XKR6: variants seen among roughly 807,000 people sequenced by gnomAD.
XKR6 encodes XK related 6.
XKR6 carries 22 observed loss-of-function variants against 56.7 expected under a neutral mutation model. The ratio of observed to expected loss-of-function variants is 0.39; its 90% CI spans 0.28 to 0.55. The LOEUF (loss-of-function observed/expected upper bound fraction) is 0.55. XKR6 is among the 20% of genes least tolerant of loss of function. The pLI is 0.66. For synonymous variants in XKR6, 524 were observed against 387.8 expected, an observed-to-expected ratio of 1.35 and a Z score of -4.13; for missense variants, 852 against 889.0, an observed-to-expected ratio of 0.96 and a Z score of 0.53.
chr8:10,946,905 C>T (rs1430858495), intron 1 of XKR6, among the ~76,000 whole-genome samples: 1 of 152,094 alleles, frequency 6.6e-6, no homozygotes, highest in Non-Finnish European at 1.5e-5. Flanking sequence ...CACCAAGCAG[C>T]TAAGGGAAAG....
intron 1 of XKR6, among the ~76,000 whole-genome samples, chr8:11,131,571 T>A (rs376477569): frequency 2.0e-5 from 3 of 152,148 alleles, no homozygotes; most frequent in Non-Finnish European, 4.4e-5. Context: ...AATAAAAAGT[T>A]TTCCTTTCAT....
intron 1 of XKR6, chr8:11,136,856 G>C (rs550967355): frequency 1.1e-3 from 173 of 152,248 alleles, no homozygotes; most frequent in African/African-American, 4.1e-3. Flanking sequence ...CCCACACAGA[G>C]AACACCTACA....
intron 1 of XKR6, among the ~76,000 whole-genome samples, chr8:11,042,403 G>C (rs968329396): frequency 6.6e-6 from 1 of 152,062 alleles, no homozygotes; most frequent in Non-Finnish European, 1.5e-5. Flanking sequence ...GATTTTTCCC[G>C]TGCTATTCTC....
chr8:10,964,328 A>G (rs186810159), intron 1 of XKR6, among the ~76,000 whole-genome samples: 15 of 152,264 alleles, frequency 9.9e-5, no homozygotes, highest in South Asian at 6.2e-4. Flanking sequence ...GTTTTGCAAA[A>G]TGGAGCAGGT....
chr8:11,086,293 G>C (rs1249984473), intron 1 of XKR6, among the ~76,000 whole-genome samples: 1 of 152,100 alleles, frequency 6.6e-6, no homozygotes, highest in Non-Finnish European at 1.5e-5. Context: ...CATAGAGCTT[G>C]TACTTGGCCT....
chr8:11,108,163 T>A, intron 1 of XKR6: 1 of 390,630 alleles, frequency 2.6e-6, no homozygotes, highest in Non-Finnish European at 5.0e-6. Flanking sequence ...GATAATCGGG[T>A]GCATCTGTTC....
At chr8:11,090,145 G>A (rs930867576) in intron 1 of XKR6, among the ~76,000 whole-genome samples, 6 of 152,154 alleles carry the variant, frequency 3.9e-5, no homozygotes, top group African/African-American at 1.4e-4. Context: ...GTGCAGTGGT[G>A]CAAATTATAG....
At chr8:10,935,683 G>T (rs1328936921) in intron 1 of XKR6, among the ~76,000 whole-genome samples, 9 of 151,450 alleles carry the variant, frequency 5.9e-5, no homozygotes, top group South Asian at 2.1e-4. Context: ...GGAGCACGTT[G>T]TTCAGTTTCC....
chr8:11,134,741 GC>G lies in XKR6; in HGVS notation c.764+65834del, dbSNP rs375063123. 1.2e-3 allele frequency among the ~76,000 whole-genome samples: 180 copies of G among 152,056 alleles called. 1 individual carries two copies. Among genetic ancestry groups the G allele is most frequent in the African/African-American group, 3.9e-3 (162 of 41,412 alleles). On this transcript the variant is annotated intron_variant, in intron 1 of 2. Transcript: ENST00000416569. ...AGCCCCAAAAGAAATTAACCTACCA[GC>G]GAAATAATCATGGACAATACTATAT... is the stretch of plus-strand genomic sequence containing the variant.
intron 1 of XKR6, among the ~76,000 whole-genome samples, chr8:11,141,884 A>AG (rs1475275887): frequency 2.0e-5 from 3 of 152,058 alleles, no homozygotes; most frequent in Non-Finnish European, 1.5e-5. Context: ...GTGACTGGGG[A>AG]GGGGTCTAGG....
At chr8:11,030,732 C>T (rs1798974281) in intron 1 of XKR6, among the ~76,000 whole-genome samples, 1 of 152,100 alleles carries the variant, frequency 6.6e-6, no homozygotes, top group Non-Finnish European at 1.5e-5. Context: ...TAGTTCCTCA[C>T]CTCTGCCAGC....
intron 1 of XKR6, among the ~76,000 whole-genome samples, chr8:10,984,432 G>A (rs889497274): frequency 6.6e-6 from 1 of 152,088 alleles, no homozygotes; most frequent in Non-Finnish European, 1.5e-5. Context: ...TGGCCTGAGG[G>A]CACTATTCAA....
intron 1 of XKR6, among the ~76,000 whole-genome samples, chr8:11,081,110 C>T (rs760278338): frequency 2.3e-4 from 35 of 152,140 alleles, no homozygotes; most frequent in Non-Finnish European, 4.0e-4. Context: ...TGCAAGAAGC[C>T]GTCTACCTCA....
At chr8:11,065,962 G>C (rs1214930500) in intron 1 of XKR6, among the ~76,000 whole-genome samples, 1 of 152,234 alleles carries the variant, frequency 6.6e-6, no homozygotes, top group Non-Finnish European at 1.5e-5. Context: ...TCAAGCTTCA[G>C]TTTAGCCAGC....
chr8:11,020,095 G>T (rs1478530680), intron 1 of XKR6, among the ~76,000 whole-genome samples: 1 of 148,858 alleles, frequency 6.7e-6, no homozygotes, highest in Non-Finnish European at 1.5e-5. Context: ...CCAAGGCCCA[G>T]TCCCCTTTCC....
At chr8:10,997,440 G>A (rs1175942934) in intron 1 of XKR6, among the ~76,000 whole-genome samples, 1 of 152,196 alleles carries the variant, frequency 6.6e-6, no homozygotes, top group Non-Finnish European at 1.5e-5. Flanking sequence ...CCAGAGAGCA[G>A]GGGTGGCGGT....
intron 1 of XKR6, among the ~76,000 whole-genome samples, chr8:11,093,768 TTTACA>T (rs1364746290): frequency 1.3e-5 from 2 of 152,202 alleles, no homozygotes; most frequent in Non-Finnish European, 2.9e-5. Context: ...CTTCAGGGTC[TTTACA>T]TTATGTAATT....
rs922864978 is a variant in XKR6 at position 11,050,092 on chromosome 8, C to T, written c.765-125262G>A. ...GGGGTTTTCACTTGCAAAACAGAAA[C>T]ATTTACAAAGGAATATCAGGAATGG... On this transcript the variant is annotated intron_variant, in intron 1 of 2. Transcript: ENST00000416569. Among the ~76,000 whole-genome samples, 6 of 152,178 alleles carry T rather than the reference C, an allele frequency of 3.9e-5. No homozygotes were observed. In the East Asian group the frequency reaches 1.2e-3, roughly 29 times the overall value.
At chr8:11,158,031 G>A (rs970672525) in intron 1 of XKR6, among the ~76,000 whole-genome samples, 11 of 152,184 alleles carry the variant, frequency 7.2e-5, no homozygotes, top group Non-Finnish European at 1.3e-4. Flanking sequence ...AAAAGTTGGT[G>A]ATTGGTATCT....
Sources: allele counts gnomAD v4.1 joint callset (sites outside exome capture counted in the v4.1 genomes callset), GRCh38; gene constraint gnomAD v4.1.1; transcripts MANE v1.5; gene names NCBI Gene and HGNC (gene_info 2026-07-23, HGNC 2026-07-21).